SLC2A12: variants seen among roughly 807,000 people sequenced by gnomAD.
SLC2A12 encodes solute carrier family 2 member 12.
Under a neutral mutation model 41.8 loss-of-function variants are expected in SLC2A12, and 23 were observed. The ratio of observed to expected loss-of-function variants is 0.55; its 90% CI spans 0.40 to 0.78. The LOEUF is 0.78. Among genes scored for constraint, SLC2A12 ranks in the 30% least tolerant of loss-of-function variants. The pLI is 0.00. For missense variants in SLC2A12, 654 were observed against 745.6 expected, an observed-to-expected ratio of 0.88 and a Z score of 1.43; for synonymous variants, 295 against 285.9, an observed-to-expected ratio of 1.03 and a Z score of -0.32.
At chr6:134,032,405 A>AATATATATATATATATATAT (rs1170558623) in intron 1 of SLC2A12, among the ~76,000 whole-genome samples, 1 of 118,078 alleles carries the variant, frequency 8.5e-6, no homozygotes, top group African/African-American at 4.5e-5. Flanking sequence ...TACAGGGAGA[A>AATATATATATATATATATAT]ATATATATAT....
intron 3 of SLC2A12, among the ~76,000 whole-genome samples, chr6:134,003,516 T>C (rs551721016): frequency 6.6e-6 from 1 of 152,282 alleles, no homozygotes; most frequent in South Asian, 2.1e-4. Flanking sequence ...CTTGCTTAGA[T>C]CCTAAATCTG....
chr6:133,998,685 C>T (rs1776722290), intron 4 of SLC2A12, among the ~76,000 whole-genome samples: 1 of 152,186 alleles, frequency 6.6e-6, no homozygotes, highest in Non-Finnish European at 1.5e-5. Flanking sequence ...GGACTACAGG[C>T]GCAAGCCACC....
intron 1 of SLC2A12, among the ~76,000 whole-genome samples, chr6:134,043,707 G>A (rs887631998): frequency 2.7e-5 from 4 of 149,262 alleles, no homozygotes; most frequent in Non-Finnish European, 5.9e-5. Context: ...CAGAAGAATC[G>A]CTTGAACCCG....
intron 1 of SLC2A12, among the ~76,000 whole-genome samples, chr6:134,036,986 C>T (rs1034295401): frequency 1.8e-4 from 27 of 151,974 alleles, no homozygotes; most frequent in Non-Finnish European, 3.7e-4. Flanking sequence ...TCTTCAGGTT[C>T]CATAACATTC....
At chr6:133,997,085 C>CAAAAAAAAAAAAAAA (rs58295985) in intron 4 of SLC2A12, among the ~76,000 whole-genome samples, 13 of 70,702 alleles carry the variant, frequency 1.8e-4, no homozygotes, top group African/African-American at 2.2e-4. Flanking sequence ...ACTAAAAATA[C>CAAAAAAAAAAAAAAA]AAAAAAAAAA....
At chr6:134,012,382 T>TA (rs1217292997) in intron 2 of SLC2A12, among the ~76,000 whole-genome samples, 1 of 152,218 alleles carries the variant, frequency 6.6e-6, no homozygotes, top group Non-Finnish European at 1.5e-5. Flanking sequence ...ATGCTGGAGT[T>TA]AAAAATGGAA....
chr6:134,046,571 C>G (rs983228688), intron 1 of SLC2A12, among the ~76,000 whole-genome samples: 1 of 152,026 alleles, frequency 6.6e-6, no homozygotes, highest in Non-Finnish European at 1.5e-5. Flanking sequence ...GAGGCTGAGG[C>G]GGGTGAATTG....
chr6:134,010,377 A>G (rs1776864392), intron 2 of SLC2A12, among the ~76,000 whole-genome samples: 1 of 152,160 alleles, frequency 6.6e-6, no homozygotes, highest in African/African-American at 2.4e-5. Context: ...ACATTGTCCT[A>G]TTTGTGCATC....
At chr6:134,048,950 G>A (rs1304372297) in intron 1 of SLC2A12, among the ~76,000 whole-genome samples, 4 of 152,144 alleles carry the variant, frequency 2.6e-5, no homozygotes, top group Non-Finnish European at 4.4e-5. Flanking sequence ...GCTGACTGAC[G>A]AAGCCTGAGA....
chr6:134,045,874 A>G (rs1777449237), intron 1 of SLC2A12, among the ~76,000 whole-genome samples: 1 of 152,226 alleles, frequency 6.6e-6, no homozygotes, highest in African/African-American at 2.4e-5. Flanking sequence ...CCAGCATAAC[A>G]ATTGTGTCTT....
chr6:134,032,608 G>A (rs1338841757), intron 1 of SLC2A12, among the ~76,000 whole-genome samples: 1 of 146,090 alleles, frequency 6.8e-6, no homozygotes, highest in African/African-American at 2.6e-5. Flanking sequence ...TATGCTTTAA[G>A]GGACACTGCC....
intron 1 of SLC2A12, among the ~76,000 whole-genome samples, chr6:134,038,221 C>T (rs1381303588): frequency 6.6e-6 from 1 of 152,162 alleles, no homozygotes; most frequent in Non-Finnish European, 1.5e-5. Flanking sequence ...TATTCTTCCA[C>T]TCCTATTGGC....
At chr6:134,022,894 C>G (rs977886745) in intron 2 of SLC2A12, among the ~76,000 whole-genome samples, 1 of 152,174 alleles carries the variant, frequency 6.6e-6, no homozygotes, top group African/African-American at 2.4e-5. Context: ...TCCCTCAAGA[C>G]GGCAGTATTC....
intron 2 of SLC2A12, among the ~76,000 whole-genome samples, chr6:134,010,682 A>C (rs892831589): frequency 6.6e-6 from 1 of 152,182 alleles, no homozygotes; most frequent in Non-Finnish European, 1.5e-5. Context: ...GTATTAAATC[A>C]TCAAGGCTGC....
chr6:134,027,245 G>A (rs956489615), intron 2 of SLC2A12, among the ~76,000 whole-genome samples: 4 of 152,190 alleles, frequency 2.6e-5, no homozygotes, highest in Admixed American at 6.5e-5. Context: ...TGAGTTAGCA[G>A]TGGATGACTA....
At chr6:134,032,813 C>T (rs1468558258) in intron 1 of SLC2A12, among the ~76,000 whole-genome samples, 2 of 121,490 alleles carry the variant, frequency 1.6e-5, no homozygotes, top group East Asian at 4.4e-4. Flanking sequence ...TAATTTATAT[C>T]TATATATATA....
chr6:134,006,720 T>C, intron 3 of SLC2A12, 92 bp downstream of exon 3: 1 of 1,505,314 alleles, frequency 6.6e-7, no homozygotes, highest in Non-Finnish European at 9.0e-7. Context: ...GTTTGAAAAT[T>C]TCCACGAAAA....
chr6:133,993,403 T>C (rs1776648275), intron 4 of SLC2A12, among the ~76,000 whole-genome samples: 1 of 152,244 alleles, frequency 6.6e-6, no homozygotes, highest in East Asian at 1.9e-4. Context: ...CTCAGGCTTC[T>C]GCATCTCACC....
intron 4 of SLC2A12, among the ~76,000 whole-genome samples, chr6:133,999,831 T>C (rs1436941008): frequency 6.6e-6 from 1 of 152,160 alleles, no homozygotes; most frequent in Non-Finnish European, 1.5e-5. Flanking sequence ...AATGGATAAT[T>C]GATGTGAAAC....
Sources: gnomAD v4.1 joint callset for allele counts (sites outside exome capture counted in the v4.1 genomes callset) on GRCh38, gnomAD v4.1.1 for gene constraint, MANE v1.5 for transcripts, NCBI Gene and HGNC (gene_info 2026-07-23, HGNC 2026-07-21) for gene names.